ZNF670: variants seen among roughly 807,000 people sequenced by gnomAD.
ZNF670 encodes zinc finger protein 670.
Under a neutral mutation model 10.9 loss-of-function variants are expected in ZNF670, and 7 were observed. The ratio of observed to expected loss-of-function variants is 0.64; its 90% CI spans 0.36 to 1.20. The LOEUF is 1.20. ZNF670 is among the 50% of genes most tolerant of loss of function. ZNF670 has a pLI of 0.02. For synonymous variants in ZNF670, 136 were observed against 152.7 expected, an observed-to-expected ratio of 0.89 and a Z score of 0.81; for missense variants, 446 against 458.6, an observed-to-expected ratio of 0.97 and a Z score of 0.25.
intron 1 of ZNF670, among the ~76,000 whole-genome samples, chr1:247,074,336 G>A (rs1671203255): frequency 1.3e-5 from 2 of 151,666 alleles, no homozygotes; most frequent in South Asian, 4.2e-4. Context: ...CCTCTCCTGT[G>A]AACAGGCTGA....
intron 1 of ZNF670, among the ~76,000 whole-genome samples, chr1:247,041,026 C>T (rs998487057): frequency 8.5e-5 from 13 of 152,136 alleles, no homozygotes; most frequent in African/African-American, 3.1e-4. Context: ...TCATTAATGA[C>T]AGAGCATTCC....
At chr1:247,070,595 T>C (rs1671092073) in intron 1 of ZNF670, among the ~76,000 whole-genome samples, 1 of 152,112 alleles carries the variant, frequency 6.6e-6, no homozygotes. Flanking sequence ...TGACAAAGTC[T>C]CCAAAAGCAA....
chr1:247,034,817 A>C lies in ZNF670; in HGVS notation c.*2632T>G, dbSNP rs1206514526. Among the ~76,000 whole-genome samples the C allele has an allele frequency of 6.6e-6, 1 of 152,240 alleles. No homozygotes were observed. The highest frequency in any genetic ancestry group is 2.4e-5 in the African/African-American group (1 of 41,464). ...CAGTGATGGCAACCAAACGAGATGC[A>C]GTTACCACAGAGCAGTAGTCTGACT... On this transcript the variant is annotated 3_prime_UTR_variant, in exon 4 of 4. Transcript: ENST00000366503.
At chr1:247,059,754 T>C (rs1045790259) in intron 1 of ZNF670, among the ~76,000 whole-genome samples, 2 of 152,170 alleles carry the variant, frequency 1.3e-5, no homozygotes, top group Non-Finnish European at 2.9e-5. Flanking sequence ...TGACTGTCTA[T>C]GTACAAAATC....
chr1:247,058,370 T>C (rs924902473), intron 1 of ZNF670, among the ~76,000 whole-genome samples: 1 of 152,166 alleles, frequency 6.6e-6, no homozygotes, highest in Non-Finnish European at 1.5e-5. Context: ...TGAAATGCAG[T>C]ACAAGTGGTG....
chr1:247,071,133 G>A (rs897508171), intron 1 of ZNF670, among the ~76,000 whole-genome samples: 1 of 152,092 alleles, frequency 6.6e-6, no homozygotes, highest in South Asian at 2.1e-4. Context: ...TATATCCAAG[G>A]GAATCTGAAT....
In ZNF670 at chr1:247,037,537, C is replaced by A; in HGVS notation, c.1082G>T (p.Gly361Val). The A allele has an allele frequency of 6.2e-7, 1 of 1,614,122 alleles. No homozygotes were observed. Among genetic ancestry groups the A allele is most frequent in the Non-Finnish European group, 8.5e-7 (1 of 1,179,986 alleles). Residue 361 changes from glycine to valine, a missense_variant, in exon 4 of 4, where the codon GGA becomes GTA. Transcript: ENST00000366503. ...TTTCTTACATTCATAGGGTTTTTCT[C>A]CAGTATGAGTCCTTTCATGGCTTCG... ...ALRSHERTHT[G>V]EKPYECKKCG...
At chr1:247,039,886 A>G (rs573697993) in intron 1 of ZNF670, among the ~76,000 whole-genome samples, 63 of 152,360 alleles carry the variant, frequency 4.1e-4, no homozygotes, top group African/African-American at 1.5e-3. Context: ...TGTGTATAAC[A>G]GTTAGTATTA....
At chr1:247,054,395 C>A (rs1045165728) in intron 1 of ZNF670, among the ~76,000 whole-genome samples, 1 of 152,218 alleles carries the variant, frequency 6.6e-6, no homozygotes, top group Admixed American at 6.5e-5. Flanking sequence ...CAAAAGGGAA[C>A]CCCCTTCCAC....
chr1:247,039,060 C>CTTTTTTTTTTTTTTTTTTT (rs3078762), intron 2 of ZNF670, among the ~76,000 whole-genome samples, 190 bp from the exon 3 acceptor site: 2 of 125,642 alleles, frequency 1.6e-5, no homozygotes, highest in African/African-American at 3.1e-5. Flanking sequence ...TTCTTTCTTT[C>CTTTTTTTTTTTTTTTTTTT]TTTTTTTTTT....
intron 1 of ZNF670, among the ~76,000 whole-genome samples, chr1:247,066,107 C>G (rs1012903338): frequency 6.6e-6 from 1 of 152,230 alleles, no homozygotes; most frequent in Non-Finnish European, 1.5e-5. Context: ...TCAAGATGGT[C>G]AACCAGACAC....
At chr1:247,038,959 T>A in intron 2 of ZNF670, 89 bp from the exon 3 acceptor site, 1 of 969,470 alleles carries the variant, frequency 1.0e-6, no homozygotes, top group Non-Finnish European at 1.5e-6. Flanking sequence ...TGACCATAAC[T>A]AATTTTTTTC....
intron 1 of ZNF670, chr1:247,042,916 CTG>C (rs1670351255): frequency 1.5e-6 from 1 of 675,686 alleles, no homozygotes; most frequent in East Asian, 2.9e-5. Context: ...ACTCCCAACA[CTG>C]TGAATTTTCA....
chr1:247,042,055 T>C (rs576794857), intron 1 of ZNF670, among the ~76,000 whole-genome samples: 1 of 152,366 alleles, frequency 6.6e-6, no homozygotes, highest in East Asian at 1.9e-4. Flanking sequence ...TTGCTTCAAC[T>C]ATTGTTACTA....
At chr1:247,077,648 T>C (rs555401424) in intron 1 of ZNF670, among the ~76,000 whole-genome samples, 136 of 152,290 alleles carry the variant, frequency 8.9e-4, no homozygotes, top group Non-Finnish European at 1.4e-3. Context: ...CTGTATGAAA[T>C]GTACAATAAA....
At chr1:247,042,416 A>G (rs1057171745) in intron 1 of ZNF670, among the ~76,000 whole-genome samples, 2 of 152,198 alleles carry the variant, frequency 1.3e-5, no homozygotes, top group African/African-American at 2.4e-5. Context: ...GTAGGAAATT[A>G]TTACTCAGAA....
At chr1:247,074,317 C>T (rs1436511603) in intron 1 of ZNF670, among the ~76,000 whole-genome samples, 2 of 152,046 alleles carry the variant, frequency 1.3e-5, no homozygotes, top group Non-Finnish European at 2.9e-5. Flanking sequence ...CATACAACCC[C>T]TCTTTATGCC....
intron 1 of ZNF670, chr1:247,042,920 G>C: frequency 1.5e-6 from 1 of 678,152 alleles, no homozygotes; most frequent in Middle Eastern, 2.9e-4. Flanking sequence ...CCAACACTGT[G>C]AATTTTCATT....
At chr1:247,055,821 A>T (rs372116758) in intron 1 of ZNF670, among the ~76,000 whole-genome samples, 2 of 152,250 alleles carry the variant, frequency 1.3e-5, no homozygotes, top group Non-Finnish European at 2.9e-5. Flanking sequence ...GGGATAAAAA[A>T]GGATATTCCA....
Sources: gnomAD v4.1 joint callset for allele counts (sites outside exome capture counted in the v4.1 genomes callset) on GRCh38, gnomAD v4.1.1 for gene constraint, MANE v1.5 for transcripts, NCBI Gene and HGNC (gene_info 2026-07-23, HGNC 2026-07-21) for gene names.